Variants in AGA observed in about 807,000 individuals in gnomAD.
AGA encodes aspartylglucosaminidase.
AGA carries 31 observed loss-of-function variants against 40.1 expected under a neutral mutation model. The observed-to-expected ratio is 0.77, with a 90% CI of 0.58 to 1.04. The LOEUF is 1.04. AGA is among the 50% of genes least tolerant of loss of function. The probability of loss-of-function intolerance (pLI) is 0.00; values close to 1 mark genes in which losing one functional copy is unlikely to be tolerated. For missense variants in AGA, 445 were observed against 435.4 expected (o/e 1.02, Z -0.20); for synonymous variants, 148 against 144.0 (o/e 1.03, Z -0.20).
At position 177,430,826 on chromosome 4, in the gene AGA, T is replaced by G. The variant is rs3749479; in HGVS notation, c.*882A>C. On this transcript the variant is annotated 3_prime_UTR_variant, in exon 9 of 9. Transcript: ENST00000264595. ...AATGACTGTTGATTAAAAAGATGAT[T>G]TTGAAGGAAAAATGCTGCTGAGAAA... 1.9e-3 allele frequency: 871 copies of G among 453,952 alleles called. 23 individuals are homozygous for G. The East Asian group carries it at 0.049, about 26-fold the overall frequency. 28.1% of individuals were successfully genotyped at this position (453,952 alleles called of 1,614,324 possible). A position where few individuals can be genotyped will look rare whatever the true frequency, so the allele number is the denominator to read the frequency against.
intron 2 of AGA, chr4:177,440,028 GAC>G: frequency 1.7e-6 from 1 of 596,352 alleles, no homozygotes; most frequent in Non-Finnish European, 2.9e-6. Context: ...TAAGGTCAGA[GAC>G]ATAGTTTTTT....
chr4:177,437,239 C>T (rs1036679196), intron 5 of AGA, 166 bp downstream of exon 5: 18 of 605,872 alleles, frequency 3.0e-5, no homozygotes, highest in Admixed American at 2.4e-4. Context: ...AATAATTTGC[C>T]AAATTTTATA....
chr4:177,436,349 T>C lies in AGA; in HGVS notation c.625A>G (p.Met209Val), dbSNP rs1203389089. The C allele has an allele frequency of 1.9e-6, 3 of 1,612,324 alleles. No homozygotes were observed. The highest frequency in any genetic ancestry group is 2.2e-5 in the East Asian group (1 of 44,878). ...EDDRGHDTIG[M>V]VVIHKTGHIA... ...TGTCCTGTCTTATGGATTACAACCA[T>C]GCCTAGAAGTTAAAAAAAAAAAATC... Residue 209 changes from methionine to valine, a missense_variant and splice_region_variant, in exon 6 of 9, where the codon ATG (methionine) becomes GTG (valine). Transcript: ENST00000264595.
intron 5 of AGA, 128 bp from the exon 6 acceptor site, chr4:177,436,479 T>A: frequency 1.3e-6 from 1 of 785,354 alleles, no homozygotes; most frequent in South Asian, 1.5e-5. Flanking sequence ...CATGTCAACA[T>A]CCTATTCCAC....
chr4:177,441,573 G>C (rs949523329), intron 1 of AGA, among the ~76,000 whole-genome samples: 3 of 152,184 alleles, frequency 2.0e-5, no homozygotes, highest in Non-Finnish European at 2.9e-5. Context: ...TCCTGGAAGA[G>C]GTGATACCTT....
In AGA at chr4:177,440,444, A is replaced by G. The variant is rs367922948; in HGVS notation, c.128-18T>C. 7.4e-6 allele frequency: 12 copies of G among 1,612,150 alleles called. No individual in the cohort carries two copies. The African/African-American group carries it at 1.1e-4, about 14-fold the overall frequency. On this transcript the variant is annotated intron_variant, in intron 1 of 8. Coordinates refer to ENST00000264595, the MANE Select transcript of AGA (RefSeq NM_000027.4). ...CCTCCACGCTGTTAATCAAATCCCA[A>G]TAATGCTTGTTTATATATATATTTT...
intron 5 of AGA, among the ~76,000 whole-genome samples, chr4:177,436,599 C>T (rs375598485): frequency 1.1e-4 from 16 of 152,118 alleles, no homozygotes; most frequent in Non-Finnish European, 1.9e-4. Context: ...AGAGCTTCCT[C>T]GCCCCTTCCA....
chr4:177,438,533 G>A (rs1213045607), intron 4 of AGA, among the ~76,000 whole-genome samples: 2 of 152,160 alleles, frequency 1.3e-5, no homozygotes, highest in Non-Finnish European at 2.9e-5. Flanking sequence ...TATTGTGAGA[G>A]ACCAGTAGCT....
chr4:177,438,522 CTAT>C (rs1736892641), intron 4 of AGA, among the ~76,000 whole-genome samples: 1 of 152,148 alleles, frequency 6.6e-6, no homozygotes, highest in Admixed American at 6.5e-5. Flanking sequence ...AGTTTGAAAA[CTAT>C]TGTGAGAGAC....
At chr4:177,433,741 T>C (rs183803177) in intron 7 of AGA, among the ~76,000 whole-genome samples, 1 of 152,342 alleles carries the variant, frequency 6.6e-6, no homozygotes, top group African/African-American at 2.4e-5. Flanking sequence ...AGGTACACGA[T>C]GACTGCACTT....
At chr4:177,437,819 A>C (rs1328261146) in intron 4 of AGA, among the ~76,000 whole-genome samples, 3 of 152,154 alleles carry the variant, frequency 2.0e-5, no homozygotes, top group Non-Finnish European at 2.9e-5. Context: ...ACAATAGTAA[A>C]ATTTTTTAAA....
rs893050896 is a variant in AGA at position 177,430,806 on chromosome 4, C to T, written c.*902G>A. Reference sequence around the variant, plus strand: ...ATCGTACATGTACATTTATTAATGACTGTTGATTAAAAAGATGATTTTGAA... The same window carrying T: ...ATCGTACATGTACATTTATTAATGATTGTTGATTAAAAAGATGATTTTGAA... On this transcript the variant is annotated 3_prime_UTR_variant, in exon 9 of 9. Transcript: ENST00000264595. The T allele has an allele frequency of 2.2e-6, 1 of 453,852 alleles. No homozygotes were observed. Among genetic ancestry groups the T allele is most frequent in the Admixed American group, 2.3e-5 (1 of 42,568 alleles). 28.1% of individuals were successfully genotyped at this position (453,852 alleles called of 1,614,324 possible). A position where few individuals can be genotyped will look rare whatever the true frequency, so the allele number is the denominator to read the frequency against.
rs540935504 is a variant in AGA at position 177,431,763 on chromosome 4, A to G, written c.986T>C (p.Met329Thr). 4 of 1,613,950 alleles carry G rather than the reference A, an allele frequency of 2.5e-6. No homozygotes were observed. Among genetic ancestry groups the G allele is most frequent in the African/African-American group, 1.3e-5 (1 of 75,048 alleles). ...CTGATTTTTTTCGGAATTATAAACC[A>G]TGAAACTAAACTGAGTAAATGTTGA... Reference protein sequence around the residue: ...KLSTFTQFSFMVYNSEKNQPT... With the variant: ...KLSTFTQFSFTVYNSEKNQPT... The change falls in exon 9 of 9, where the codon ATG becomes ACG. Residue 329 changes from methionine to threonine, a missense_variant. Physicochemically the swap from Met to Thr is moderately conservative, Grantham distance 81 (BLOSUM62 -1). Transcript: ENST00000264595.
At chr4:177,441,480 G>A (rs1280292437) in intron 1 of AGA, among the ~76,000 whole-genome samples, 1 of 152,110 alleles carries the variant, frequency 6.6e-6, no homozygotes, top group East Asian at 1.9e-4. Context: ...CCAAGATAAT[G>A]GTACGTAAAG....
At chr4:177,442,133 G>T in intron 1 of AGA, 116 bp downstream of exon 1, 2 of 1,477,448 alleles carry the variant, frequency 1.4e-6, no homozygotes, top group Non-Finnish European at 1.8e-6. Context: ...CGCGAGGCCC[G>T]GCCCAGCCCG....
Position 177,431,509 on chromosome 4 carries a change from A to G in AGA, c.*199T>C. 1 of 634,938 alleles carries G rather than the reference A, an allele frequency of 1.6e-6. No homozygotes were observed. The highest frequency in any genetic ancestry group is 2.8e-6 in the Non-Finnish European group (1 of 352,636). 39.3% of individuals were successfully genotyped at this position (634,938 alleles called of 1,614,324 possible). On this transcript the variant is annotated 3_prime_UTR_variant, in exon 9 of 9. Coordinates refer to ENST00000264595, the MANE Select transcript of AGA (RefSeq NM_000027.4). ...CAGCCACATACATATTCATCTTCAG[A>G]TAATATAAGAAAGGTTAAATAAAAA...
chr4:177,437,981 C>G (rs1388965137), intron 4 of AGA, among the ~76,000 whole-genome samples: 2 of 152,124 alleles, frequency 1.3e-5, no homozygotes, highest in Non-Finnish European at 2.9e-5. Context: ...TGAATATATT[C>G]TAAGTTGTGC....
In AGA at chr4:177,438,999, G is replaced by A. The variant is rs1322363754; in HGVS notation, c.395-142C>T. ...TCAAAGGAATATTCACACATGAACA[G>A]TTTTAAGAGACTCAATTTTTAGACC... On this transcript the variant is annotated intron_variant, in intron 3 of 8. Coordinates refer to ENST00000264595, the MANE Select transcript of AGA (RefSeq NM_000027.4). 7 of 703,770 alleles carry A rather than the reference G, an allele frequency of 9.9e-6. No individual in the cohort carries two copies. The Admixed American group carries it at 1.3e-4, about 13-fold the overall frequency. The allele number at this position is 703,770 out of a possible 1,614,324, so 43.6% of individuals were successfully genotyped here.
chr4:177,437,510 G>C lies in AGA; in HGVS notation c.517C>G (p.Pro173Ala). The change falls in exon 5 of 9, where the codon CCA becomes GCA. Residue 173 changes from proline (P) to alanine (A), a missense_variant. Physicochemically the swap from Pro to Ala is conservative, Grantham distance 27. Transcript: ENST00000264595. ...CQPNYWRNVI[P>A]DPSKYCGPYK... ...GGTCCGCAGTATTTTGAGGGATCTG[G>C]TATAACATTCTGTAAACAAGATTTA... The C allele has an allele frequency of 5.6e-6, 9 of 1,602,650 alleles. No individual in the cohort carries two copies. Among genetic ancestry groups the C allele is most frequent in the Non-Finnish European group, 7.7e-6 (9 of 1,169,698 alleles).
Sources: allele counts gnomAD v4.1 joint callset (sites outside exome capture counted in the v4.1 genomes callset), GRCh38; gene constraint gnomAD v4.1.1; transcripts MANE v1.5; gene names NCBI Gene and HGNC (gene_info 2026-07-23, HGNC 2026-07-21).